PLA2G4A: variants seen among roughly 807,000 people sequenced by gnomAD.
PLA2G4A encodes cytosolic phospholipase A2.
Under a neutral mutation model 81.9 loss-of-function variants are expected in PLA2G4A, and 40 were observed. The ratio of observed to expected loss-of-function variants is 0.49; its 90% confidence interval spans 0.38 to 0.64. The LOEUF (loss-of-function observed/expected upper bound fraction) is 0.64. Among genes scored for constraint, PLA2G4A ranks in the 30% least tolerant of loss-of-function variants. PLA2G4A has a pLI of 0.00. For missense variants in PLA2G4A, 715 were observed against 905.1 expected (o/e 0.79, Z 2.69); for synonymous variants, 302 against 296.9 (o/e 1.02, Z -0.18).
intron 3 of PLA2G4A, among the ~76,000 whole-genome samples, chr1:186,875,759 T>C (rs780594085): frequency 6.2e-4 from 94 of 152,214 alleles, no homozygotes; most frequent in Non-Finnish European, 2.9e-4. Context: ...TTTTAACCAC[T>C]GCAGCATGGT....
chr1:186,860,674 A>G (rs1297727686), intron 2 of PLA2G4A, among the ~76,000 whole-genome samples: 2 of 152,338 alleles, frequency 1.3e-5, no homozygotes, highest in East Asian at 3.9e-4. Context: ...AGCTAATGGT[A>G]AACTTCTAAC....
intron 15 of PLA2G4A, among the ~76,000 whole-genome samples, chr1:186,966,031 G>T (rs576699850): frequency 1.3e-5 from 2 of 151,864 alleles, no homozygotes; most frequent in African/African-American, 2.4e-5. Flanking sequence ...TAACAAGGGG[G>T]TTTTTTGGTG....
intron 6 of PLA2G4A, among the ~76,000 whole-genome samples, chr1:186,909,710 C>T (rs370174711): frequency 2.0e-5 from 3 of 151,330 alleles, no homozygotes; most frequent in Admixed American, 1.3e-4. Flanking sequence ...TCTTTTCCCC[C>T]GTTACATGAT....
chr1:186,889,897 A>G (rs1045378329), intron 3 of PLA2G4A, among the ~76,000 whole-genome samples: 1 of 151,976 alleles, frequency 6.6e-6, no homozygotes, highest in African/African-American at 2.4e-5. Context: ...TTTGTTACTG[A>G]GGAACATGAT....
chr1:186,893,526 T>A (rs567388361), intron 4 of PLA2G4A, among the ~76,000 whole-genome samples: 12 of 152,230 alleles, frequency 7.9e-5, no homozygotes, highest in Non-Finnish European at 1.5e-4. Flanking sequence ...ATCTTTCTCA[T>A]ATTCCAAAGT....
At position 186,911,264 on chromosome 1, in the gene PLA2G4A, C is replaced by A; in HGVS notation, c.433C>A (p.Arg145=). 1 of 1,612,792 alleles carries A rather than the reference C, an allele frequency of 6.2e-7. No individual in the cohort carries two copies. The highest frequency in any genetic ancestry group is 8.5e-7 in the Non-Finnish European group (1 of 1,178,874). ...GTATTACAGCTCATGCCCAGACCTA[C>A]GATTTAGTATGGCTCTGTGTGATCA... The part of the protein sequence containing the change: ...SLEVCSCPDL[R]FSMALCDQEK... Residue 145 remains arginine, a synonymous_variant, in exon 7 of 18, where the codon CGA becomes AGA. Transcript: ENST00000367466.
At chr1:186,937,051 G>T (rs1285980258) in intron 8 of PLA2G4A, among the ~76,000 whole-genome samples, 3 of 149,912 alleles carry the variant, frequency 2.0e-5, no homozygotes, top group Non-Finnish European at 1.5e-5. Flanking sequence ...TATTTTTTGA[G>T]ATAATCTCAC....
At chr1:186,838,000 C>G (rs553530502) in intron 1 of PLA2G4A, among the ~76,000 whole-genome samples, 2 of 152,092 alleles carry the variant, frequency 1.3e-5, no homozygotes, top group African/African-American at 4.8e-5. Context: ...CCCTCTGGTG[C>G]TTTCTGCTTT....
At chr1:186,980,268 T>C (rs915066036) in intron 17 of PLA2G4A, among the ~76,000 whole-genome samples, 2 of 152,158 alleles carry the variant, frequency 1.3e-5, no homozygotes, top group African/African-American at 2.4e-5. Flanking sequence ...CTTTGAGATG[T>C]CAAGTATGCT....
chr1:186,951,513 G>T (rs1008922993), intron 13 of PLA2G4A, among the ~76,000 whole-genome samples: 1 of 151,558 alleles, frequency 6.6e-6, no homozygotes, highest in African/African-American at 2.4e-5. Flanking sequence ...ACAAAGGGAA[G>T]GCTTTATAAG....
chr1:186,972,995 A>G (rs1196032867), intron 15 of PLA2G4A, among the ~76,000 whole-genome samples: 1 of 152,200 alleles, frequency 6.6e-6, no homozygotes, highest in Non-Finnish European at 1.5e-5. Flanking sequence ...ATCACAGCCA[A>G]ATCAGTCCAA....
intron 1 of PLA2G4A, among the ~76,000 whole-genome samples, chr1:186,847,541 A>C (rs1477221303): frequency 1.3e-5 from 2 of 152,134 alleles, no homozygotes; most frequent in African/African-American, 4.8e-5. Context: ...CTTAAGCCAT[A>C]AGATTTAAGA....
At chr1:186,904,210 A>T (rs184634913) in intron 5 of PLA2G4A, among the ~76,000 whole-genome samples, 3 of 152,354 alleles carry the variant, frequency 2.0e-5, no homozygotes, top group African/African-American at 4.8e-5. Context: ...ACAAGAATAC[A>T]TAATGGACAC....
At chr1:186,927,444 G>A (rs1655587659) in intron 7 of PLA2G4A, among the ~76,000 whole-genome samples, 1 of 152,110 alleles carries the variant, frequency 6.6e-6, no homozygotes. Context: ...TCAGATTACA[G>A]TTGTGTCTGT....
At chr1:186,914,270 G>T (rs1040207524) in intron 7 of PLA2G4A, among the ~76,000 whole-genome samples, 8 of 151,586 alleles carry the variant, frequency 5.3e-5, no homozygotes, top group African/African-American at 1.2e-4. Context: ...ATATATATAT[G>T]TTTTTTTCTT....
rs112936769 is a variant in PLA2G4A, at chr1:186,959,367, G to T, written c.1579+3023G>T. 6.3e-3 allele frequency among the ~76,000 whole-genome samples: 868 copies of T among 136,850 alleles called. 7 individuals are homozygous for T. The highest frequency in any genetic ancestry group is 0.023 in the African/African-American group (835 of 36,906). The allele number at this position is 136,850 out of a possible 152,430, so 89.8% of individuals were successfully genotyped here. On this transcript the variant is annotated intron_variant, in intron 14 of 17. Coordinates refer to ENST00000367466, the MANE Select transcript of PLA2G4A (RefSeq NM_024420.3). ...AGGAAATATATCATCCCCAAATATG[G>T]CATTATATAAACCAATTTTTTTGAG...
intron 5 of PLA2G4A, among the ~76,000 whole-genome samples, chr1:186,903,581 C>T (rs1028435047): frequency 7.9e-5 from 12 of 152,096 alleles, no homozygotes; most frequent in African/African-American, 2.2e-4. Flanking sequence ...GTAAGATCAG[C>T]GGTGGCATTA....
chr1:186,853,946 A>G (rs1421867831), intron 1 of PLA2G4A, among the ~76,000 whole-genome samples: 1 of 151,974 alleles, frequency 6.6e-6, no homozygotes, highest in Non-Finnish European at 1.5e-5. Context: ...TGGCTTAATT[A>G]TGATATAAAC....
chr1:186,958,120 T>A (rs903800094), intron 14 of PLA2G4A, among the ~76,000 whole-genome samples: 1 of 152,076 alleles, frequency 6.6e-6, no homozygotes, highest in East Asian at 1.9e-4. Context: ...AAATGACCCC[T>A]GTTGTTTAAA....
Sources: allele counts gnomAD v4.1 joint callset (sites outside exome capture counted in the v4.1 genomes callset), GRCh38; gene constraint gnomAD v4.1.1; transcripts MANE v1.5; gene names NCBI Gene and HGNC (gene_info 2026-07-23, HGNC 2026-07-21).